FAT2: variants seen among roughly 807,000 people sequenced by gnomAD.
The protein encoded by FAT2 is protocadherin Fat 2.
Under a neutral mutation model 295.3 loss-of-function variants are expected in FAT2, and 150 were observed. The ratio of observed to expected loss-of-function variants is 0.51; its 90% CI spans 0.44 to 0.58. The LOEUF is 0.58. Ranked by LOEUF, FAT2 falls within the 20% of genes least tolerant of loss-of-function variation. FAT2 has a pLI of 0.00. For missense variants in FAT2, 4,868 were observed against 5,442.7 expected, an observed-to-expected ratio of 0.89 and a Z score of 3.32; for synonymous variants, 2,026 against 2,150.3, an observed-to-expected ratio of 0.94 and a Z score of 1.60.
At chr5:151,523,243 G>T (rs1211646439) in intron 18 of FAT2, among the ~76,000 whole-genome samples, 48 of 152,028 alleles carry the variant, frequency 3.2e-4, no homozygotes, top group Admixed American at 3.1e-3. Context: ...ATAATGTATA[G>T]CTAACATTAG....
chr5:151,541,075 CA>C (rs1196555823), intron 10 of FAT2, among the ~76,000 whole-genome samples: 1 of 152,176 alleles, frequency 6.6e-6, no homozygotes, highest in Non-Finnish European at 1.5e-5. Flanking sequence ...AAACAAATTT[CA>C]ATTCTATATA....
chr5:151,523,508 GTCTATAGCCTGTGTTTT>G (rs564173910), intron 18 of FAT2, among the ~76,000 whole-genome samples: 12 of 152,296 alleles, frequency 7.9e-5, no homozygotes, highest in African/African-American at 2.2e-4. Flanking sequence ...ACCTATCTGT[GTCTATAGCCTGTGTTTT>G]TCTTTGCTGG....
chr5:151,590,561 C>T (rs1191744092), intron 1 of FAT2, among the ~76,000 whole-genome samples: 2 of 152,214 alleles, frequency 1.3e-5, no homozygotes, highest in African/African-American at 2.4e-5. Context: ...CATGGTCTTT[C>T]ACAGCCCTCA....
In FAT2 at chr5:151,584,295, G is replaced by A. The variant is rs575701067; in HGVS notation, c.-21+6870C>T. Among the ~76,000 whole-genome samples, 18 of 152,158 alleles carry A rather than the reference G, an allele frequency of 1.2e-4. No homozygotes were observed. The East Asian group carries it at 3.1e-3, about 26-fold the overall frequency. ...CTGCCCGGCCTGCCCACACAGAACC[G>A]CGAGGACAATGGCAAGCCCACTTTC... is the stretch of plus-strand genomic sequence containing the variant. On this transcript the variant is annotated intron_variant, in intron 1 of 23. Transcript: ENST00000261800.
At chr5:151,553,498 A>C in intron 5 of FAT2, 111 bp from the exon 6 acceptor site, 16 of 906,314 alleles carry the variant, frequency 1.8e-5, no homozygotes, top group African/African-American at 3.3e-5. Flanking sequence ...CAGGCCTCTC[A>C]TCCAGTCATT....
Position 151,512,670 on chromosome 5 carries a change from C to T in FAT2, c.11464-64G>A, listed in dbSNP as rs1389765927. 2.1e-6 allele frequency: 3 copies of T among 1,398,776 alleles called. No individual in the cohort carries two copies. The highest frequency in any genetic ancestry group is 2.9e-6 in the Non-Finnish European group (3 of 1,031,780). 86.6% of individuals were successfully genotyped at this position (1,398,776 alleles called of 1,614,324 possible). ...GAGTCCTTGTAAACCTGCTAAGAGG[C>T]TGCCAGTTCAAAGAATGTTGTTTGT... On this transcript the variant is annotated intron_variant, in intron 20 of 23. Coordinates refer to ENST00000261800, the MANE Select transcript of FAT2 (RefSeq NM_001447.3). The surrounding 1 kb of genome is among the most constrained non-coding windows in gnomAD (Gnocchi z 4.1).
In FAT2 at chr5:151,542,566, C is replaced by T. The variant is rs201852648; in HGVS notation, c.8561G>A (p.Ser2854Asn). The change falls in exon 10 of 24, where the codon AGT (serine) becomes AAT (asparagine). Residue 2854 changes from serine (S) to asparagine (N), a missense_variant. Physicochemically the swap from Ser to Asn is conservative, Grantham distance 46 (BLOSUM62 1). Transcript: ENST00000261800. Reference protein sequence around the residue: ...VHELFAIDSESGWITTLQELD... With the variant: ...VHELFAIDSENGWITTLQELD... ...TTCCTGGAGTGTGGTGATCCAACCA[C>T]TCTCACTGTCAATGGCAAAGAGCTC... 2.6e-5 allele frequency: 42 copies of T among 1,614,190 alleles called. No individual in the cohort carries two copies. The African/African-American group carries it at 4.5e-4, about 17-fold the overall frequency.
At chr5:151,550,515 G>T in intron 8 of FAT2, 75 bp downstream of exon 8, 2 of 1,508,504 alleles carry the variant, frequency 1.3e-6, no homozygotes, top group Non-Finnish European at 1.8e-6. Flanking sequence ...GGGACCTTCA[G>T]CATGTCTCCA....
intron 18 of FAT2, among the ~76,000 whole-genome samples, chr5:151,523,832 G>C (rs756486710): frequency 6.6e-6 from 1 of 152,076 alleles, no homozygotes; most frequent in Non-Finnish European, 1.5e-5. Context: ...ACAGAGCTTC[G>C]GTTTAGCCCA....
chr5:151,546,175 T>G lies in FAT2; in HGVS notation c.4952A>C (p.Tyr1651Ser), dbSNP rs2127614234. ...GATGGGGGCACTCCTATCTGAGGGA[T>G]AGACATGAATGATCACTGTAGCCAG... Reference protein sequence around the residue: ...HDLATVIIHVYPSDRSAPIFS... With the variant: ...HDLATVIIHVSPSDRSAPIFS... The change falls in exon 10 of 24, where the codon TAT (tyrosine) becomes TCT (serine). Residue 1651 changes from tyrosine (Y) to serine (S), a missense_variant. By Grantham distance (144) the Tyr-to-Ser change is moderately radical. This residue lies in a region of FAT2 where 3,297 missense variants were observed against 3,669.4 expected (regional missense o/e 0.90). Transcript: ENST00000261800. 6.2e-7 allele frequency: 1 copy of G among 1,614,176 alleles called. No individual in the cohort carries two copies. Among genetic ancestry groups the G allele is most frequent in the Admixed American group, 1.7e-5 (1 of 60,024 alleles).
chr5:151,533,812 G>A (rs1754945408), intron 13 of FAT2, among the ~76,000 whole-genome samples: 2 of 151,930 alleles, frequency 1.3e-5, no homozygotes, highest in African/African-American at 4.8e-5. Flanking sequence ...ATGCAGGTAT[G>A]TATATACAAT....
chr5:151,515,977 G>A (rs572248138), intron 20 of FAT2, among the ~76,000 whole-genome samples: 3 of 152,238 alleles, frequency 2.0e-5, no homozygotes, highest in Non-Finnish European at 4.4e-5. Context: ...TTACGTCTCT[G>A]ACCAACTCCT....
intron 13 of FAT2, among the ~76,000 whole-genome samples, chr5:151,532,376 T>A (rs1754729130): frequency 7.9e-6 from 1 of 126,922 alleles, no homozygotes; most frequent in South Asian, 2.9e-4. Flanking sequence ...TAGAACTAAG[T>A]GTGCGTGTAC....
chr5:151,580,502 G>T lies in FAT2; in HGVS notation c.-21+10663C>A, dbSNP rs545726072. Among the ~76,000 whole-genome samples the T allele has an allele frequency of 1.4e-3, 215 of 152,340 alleles. 3 individuals are homozygous for T. The Middle Eastern group carries it at 0.024, about 17-fold the overall frequency. Reference sequence around the variant, plus strand: ...ATTGCAGTAGGTGCTCAAAAAATATGTGTAGAATGTAGGAATTATTTTCTG... The same window carrying T: ...ATTGCAGTAGGTGCTCAAAAAATATTTGTAGAATGTAGGAATTATTTTCTG... On this transcript the variant is annotated intron_variant, in intron 1 of 23. Transcript: ENST00000261800.
In FAT2 at chr5:151,527,313, G is replaced by T; in HGVS notation, c.10229C>A (p.Thr3410Lys). Residue 3410 changes from threonine (T) to lysine (K), a missense_variant, in exon 17 of 24, where the codon ACA (threonine) becomes AAA (lysine). Thr to Lys is a moderately conservative substitution (Grantham distance 78). Around this residue, in one of 5 missense-constraint regions of FAT2, gnomAD observed 1,046 missense variants for 1,210.1 expected, o/e 0.86. Coordinates refer to ENST00000261800, the MANE Select transcript of FAT2 (RefSeq NM_001447.3). ...DSGQPPLHED[T>K]DIAIQVADVN... is the part of the protein sequence containing the mutation. ...ATCAGCCACTTGGATAGCGATGTCT[G>T]TGTCCTCATGCAGTGGAGGCTGCCC... The T allele has an allele frequency of 6.2e-7, 1 of 1,613,746 alleles. No individual in the cohort carries two copies. The highest frequency in any genetic ancestry group is 8.5e-7 in the Non-Finnish European group (1 of 1,179,826).
At chr5:151,537,749 AGTAAAG>A (rs1755607274) in intron 12 of FAT2, 38 bp downstream of exon 12, 1 of 1,570,642 alleles carries the variant, frequency 6.4e-7, no homozygotes, top group African/African-American at 1.4e-5. Flanking sequence ...CTTGGTATTC[AGTAAAG>A]AAGTTCTTGT....
At chr5:151,526,221 A>G (rs1310397557) in intron 17 of FAT2, among the ~76,000 whole-genome samples, 2 of 152,230 alleles carry the variant, frequency 1.3e-5, no homozygotes, top group South Asian at 2.1e-4. Flanking sequence ...AAGGATCCTT[A>G]GAGAACAAAG....
At chr5:151,517,978 C>T (rs1449955121) in intron 19 of FAT2, among the ~76,000 whole-genome samples, 2 of 152,146 alleles carry the variant, frequency 1.3e-5, no homozygotes, top group African/African-American at 4.8e-5. Flanking sequence ...TTGTTGACTG[C>T]AGGGACCCCT....
chr5:151,525,852 G>A lies in FAT2; in HGVS notation c.10422C>T (p.Ala3474=), dbSNP rs1475733807. The part of the protein sequence containing the change: ...FRITKGNNGS[A]FRVTPDGWLV... ...GCCATCCATCCGGGGTCACTCGGAAGGCAGAGCCGTTGTTCCCCTTGGTGA... is the reference window on the plus strand; with the variant it reads ...GCCATCCATCCGGGGTCACTCGGAAAGCAGAGCCGTTGTTCCCCTTGGTGA... The change falls in exon 18 of 24, where the codon GCC becomes GCT. Residue 3474 remains alanine, a synonymous_variant. Transcript: ENST00000261800. 6.2e-7 allele frequency: 1 copy of A among 1,614,118 alleles called. No homozygotes were observed. The highest frequency in any genetic ancestry group is 1.1e-5 in the South Asian group (1 of 91,078).
Sources: allele counts gnomAD v4.1 joint callset (sites outside exome capture counted in the v4.1 genomes callset), GRCh38; gene constraint gnomAD v4.1.1; regional missense constraint gnomAD v4.1.1; non-coding constraint Gnocchi (gnomAD v3.1); transcripts MANE v1.5; gene names NCBI Gene and HGNC (gene_info 2026-07-23, HGNC 2026-07-21).